CUX2: variants seen among roughly 807,000 people sequenced by gnomAD.
CUX2 encodes the protein cut like homeobox 2.
A neutral mutation model predicts 144.8 loss-of-function variants in CUX2; 40 were observed. The ratio of observed to expected loss-of-function variants is 0.28; its 90% CI spans 0.21 to 0.36. The LOEUF is 0.36. CUX2 is among the 10% of genes least tolerant of loss of function. The pLI, the probability that CUX2 is intolerant of heterozygous loss-of-function variation, is 1.00. For synonymous variants in CUX2, 827 were observed against 875.6 expected, an observed-to-expected ratio of 0.94 and a Z score of 0.98; for missense variants, 1,615 against 1,994.0, an observed-to-expected ratio of 0.81 and a Z score of 3.62.
chr12:111,324,401 G>T (rs1291240052), intron 18 of CUX2, among the ~76,000 whole-genome samples: 1 of 151,806 alleles, frequency 6.6e-6, no homozygotes, highest in African/African-American at 2.4e-5. Context: ...CAGCCCCCCA[G>T]CTGGGGAGGG....
intron 1 of CUX2, among the ~76,000 whole-genome samples, chr12:111,087,012 T>C (rs1192169072): frequency 6.6e-6 from 1 of 152,014 alleles, no homozygotes; most frequent in Admixed American, 6.5e-5. Flanking sequence ...TTATAGCCTA[T>C]GAAATAGGAA....
At position 111,263,620 on chromosome 12, in the gene CUX2, C is replaced by G. The variant is rs1884236987; in HGVS notation, c.223-141C>G. 2.7e-6 allele frequency: 2 copies of G among 732,428 alleles called. No individual in the cohort carries two copies. Among genetic ancestry groups the G allele is most frequent in the African/African-American group, 1.8e-5 (1 of 55,756 alleles). The allele number at this position is 732,428 out of a possible 1,614,324, so 45.4% of individuals were successfully genotyped here. A position where few individuals can be genotyped will look rare whatever the true frequency, so the allele number is the denominator to read the frequency against. The stretch of plus-strand genomic sequence containing the variant: ...AGCCTGGGCGACAGAGCAAGACTCT[C>G]TCTCAAAAACAAAACAAAACAAAAC... On this transcript the variant is annotated intron_variant, in intron 3 of 21. Transcript: ENST00000261726. The surrounding 1 kb of genome is among the most constrained non-coding windows in gnomAD (Gnocchi z 4.0).
intron 4 of CUX2, among the ~76,000 whole-genome samples, chr12:111,266,263 G>A (rs1446717926): frequency 6.6e-6 from 1 of 151,962 alleles, no homozygotes; most frequent in Non-Finnish European, 1.5e-5. Flanking sequence ...GATCACTTGA[G>A]GTCAGAAGTT....
At chr12:111,224,731 G>A (rs1882041038) in intron 3 of CUX2, among the ~76,000 whole-genome samples, 1 of 152,002 alleles carries the variant, frequency 6.6e-6, no homozygotes, top group Non-Finnish European at 1.5e-5. Context: ...GGGGAGGCCA[G>A]GGAGCAGTGG....
At chr12:111,113,437 C>A (rs181640986) in intron 1 of CUX2, among the ~76,000 whole-genome samples, 1 of 152,160 alleles carries the variant, frequency 6.6e-6, no homozygotes, top group East Asian at 1.9e-4. Context: ...ACCCTTCCCC[C>A]ACCCCCTACA....
chr12:111,072,153 G>C (rs1418004571), intron 1 of CUX2, among the ~76,000 whole-genome samples: 1 of 152,188 alleles, frequency 6.6e-6, no homozygotes, highest in East Asian at 1.9e-4. Context: ...CACAAAAATA[G>C]CTGGCTGGGA....
In CUX2 at chr12:111,320,483, C is replaced by G; in HGVS notation, c.2474C>G (p.Pro825Arg). 6.3e-7 allele frequency: 1 copy of G among 1,589,000 alleles called. No homozygotes were observed. The highest frequency in any genetic ancestry group is 8.5e-7 in the Non-Finnish European group (1 of 1,172,928). ...YSGQPNGRAWPRGDEAPVPPE... is the reference protein window; with the variant it reads ...YSGQPNGRAWRRGDEAPVPPE... ...GGCCAGCCCAACGGCCGCGCCTGGCCCCGCGGGGACGAGGCCCCTGTGCCC... is the reference window on the plus strand; with the variant it reads ...GGCCAGCCCAACGGCCGCGCCTGGCGCCGCGGGGACGAGGCCCCTGTGCCC... The change falls in exon 17 of 22, where the codon CCC becomes CGC. Residue 825 changes from proline to arginine, a missense_variant. Transcript: ENST00000261726. The surrounding 1 kb of genome is among the most constrained non-coding windows in gnomAD (Gnocchi z 8.1).
chr12:111,170,944 G>C (rs75300137), intron 1 of CUX2, among the ~76,000 whole-genome samples: 9,283 of 152,140 alleles, frequency 0.061, 588 homozygotes, highest in African/African-American at 0.16. Context: ...GGGATGGACC[G>C]GGCCCATGTC....
At chr12:111,332,497 C>T (rs1262611206) in intron 18 of CUX2, among the ~76,000 whole-genome samples, 1 of 152,092 alleles carries the variant, frequency 6.6e-6, no homozygotes, top group Non-Finnish European at 1.5e-5. Context: ...TCTTTCATTG[C>T]CTCGGAAGAG....
intron 16 of CUX2, among the ~76,000 whole-genome samples, chr12:111,317,428 A>G (rs535310303): frequency 6.6e-6 from 1 of 152,310 alleles, no homozygotes; most frequent in South Asian, 2.1e-4. Context: ...ATGTGTATAT[A>G]TGTGTGTGTA....
At chr12:111,328,796 C>T (rs1887943217) in intron 18 of CUX2, among the ~76,000 whole-genome samples, 1 of 151,972 alleles carries the variant, frequency 6.6e-6, no homozygotes, top group Non-Finnish European at 1.5e-5. Context: ...CCATGTTGGC[C>T]AGGCTGGTCT....
intron 20 of CUX2, 24 bp from the exon 21 acceptor site, chr12:111,341,756 C>T (rs759951699): frequency 2.6e-6 from 4 of 1,555,152 alleles, no homozygotes; most frequent in Non-Finnish European, 3.5e-6. Context: ...CACCTCTCAG[C>T]CCTCCCTCTC....
intron 1 of CUX2, among the ~76,000 whole-genome samples, chr12:111,192,453 C>T (rs1251858965): frequency 1.3e-5 from 2 of 151,792 alleles, no homozygotes; most frequent in African/African-American, 2.4e-5. Flanking sequence ...TGAACCCAGC[C>T]CTGCTCCTCC....
At chr12:111,239,607 G>A (rs956583692) in intron 3 of CUX2, among the ~76,000 whole-genome samples, 3 of 152,178 alleles carry the variant, frequency 2.0e-5, no homozygotes, top group Non-Finnish European at 4.4e-5. Context: ...GTTTATCATC[G>A]AAAATGGCCA....
intron 1 of CUX2, among the ~76,000 whole-genome samples, chr12:111,177,872 A>G (rs944894303): frequency 6.6e-6 from 1 of 152,228 alleles, no homozygotes; most frequent in Admixed American, 6.5e-5. Flanking sequence ...CCTCATCTCT[A>G]TAATGGGAAT....
intron 3 of CUX2, among the ~76,000 whole-genome samples, chr12:111,230,636 C>T (rs1426711257): frequency 6.6e-6 from 1 of 152,200 alleles, no homozygotes; most frequent in Non-Finnish European, 1.5e-5. Context: ...CTTGGTCTAG[C>T]ATGAGGCTTG....
intron 1 of CUX2, among the ~76,000 whole-genome samples, chr12:111,062,121 C>T (rs1870804257): frequency 6.6e-6 from 1 of 152,194 alleles, no homozygotes; most frequent in African/African-American, 2.4e-5. Context: ...GTCTGCCATG[C>T]TTAGTGTATA....
chr12:111,224,857 T>C (rs1057235238), intron 3 of CUX2, among the ~76,000 whole-genome samples: 1 of 152,144 alleles, frequency 6.6e-6, no homozygotes, highest in African/African-American at 2.4e-5. Context: ...CTGTGTGACC[T>C]TGGGCAAGGC....
At chr12:111,249,694 T>TCAG (rs2136273213) in intron 3 of CUX2, among the ~76,000 whole-genome samples, 1 of 152,120 alleles carries the variant, frequency 6.6e-6, no homozygotes, top group East Asian at 1.9e-4. Context: ...TGACCTCAGG[T>TCAG]GATCAGCCTG....
Sources: gnomAD v4.1 joint callset for allele counts (sites outside exome capture counted in the v4.1 genomes callset) on GRCh38, gnomAD v4.1.1 for gene constraint, Gnocchi (gnomAD v3.1) non-coding constraint, MANE v1.5 for transcripts, NCBI Gene and HGNC (gene_info 2026-07-23, HGNC 2026-07-21) for gene names.